The following PLEKHG4B variants were observed in gnomAD, a reference collection of about 807,000 sequenced individuals.
PLEKHG4B encodes the protein pleckstrin homology domain-containing family G member 4B.
PLEKHG4B carries 111 observed loss-of-function variants against 121.3 expected under a neutral mutation model. That is an observed-to-expected ratio of 0.92 (90% CI 0.78 to 1.07). The LOEUF is 1.07. Among genes scored for constraint, PLEKHG4B ranks in the 50% least tolerant of loss-of-function variants. The probability of loss-of-function intolerance (pLI) is 0.00; values close to 1 mark genes in which losing one functional copy is unlikely to be tolerated. For missense variants in PLEKHG4B, 1,831 were observed against 1,757.8 expected, an observed-to-expected ratio of 1.04 and a Z score of -0.74; for synonymous variants, 738 against 725.0, an observed-to-expected ratio of 1.02 and a Z score of -0.29.
intron 1 of PLEKHG4B, among the ~76,000 whole-genome samples, chr5:110,240 T>C (rs55720265): frequency 0.022 from 2,954 of 133,974 alleles, 65 homozygotes; most frequent in Middle Eastern, 0.1. Context: ...CACCGGCCAC[T>C]CTGCAACACA....
chr5:136,827 A>T (rs909087612), intron 2 of PLEKHG4B, among the ~76,000 whole-genome samples: 1 of 152,278 alleles, frequency 6.6e-6, no homozygotes, highest in South Asian at 2.1e-4. Flanking sequence ...ACACAGAATC[A>T]CCCTATGATC....
intron 3 of PLEKHG4B, among the ~76,000 whole-genome samples, chr5:141,947 C>T (rs572872805): frequency 1.3e-5 from 2 of 152,224 alleles, no homozygotes; most frequent in East Asian, 1.9e-4. Context: ...ACCAGGGGCT[C>T]GGAGGCAATG....
chr5:160,351 A>G (rs1735952827), intron 11 of PLEKHG4B, among the ~76,000 whole-genome samples: 1 of 152,144 alleles, frequency 6.6e-6, no homozygotes, highest in East Asian at 1.9e-4. Flanking sequence ...CTCTGGATAC[A>G]TTCCTAGGCT....
Position 101,511 on chromosome 5 carries a change from T to G in PLEKHG4B, c.45+9235T>G, listed in dbSNP as rs1283211315. Reference sequence around the variant, plus strand: ...TCCATATAAAGCCCTGGGAAAAGCCTGTAGGGGAGAGACTGTTGTGAGGTT... The same window carrying G: ...TCCATATAAAGCCCTGGGAAAAGCCGGTAGGGGAGAGACTGTTGTGAGGTT... On this transcript the variant is annotated intron_variant, in intron 1 of 19. Transcript: ENST00000637938. Among the ~76,000 whole-genome samples the G allele has an allele frequency of 1.6e-5, 2 of 128,406 alleles. 1 individual carries two copies. Among genetic ancestry groups the G allele is most frequent in the African/African-American group, 7.9e-5 (2 of 25,360 alleles). 84.2% of individuals were successfully genotyped at this position (128,406 alleles called of 152,430 possible). A position where few individuals can be genotyped will look rare whatever the true frequency, so the allele number is the denominator to read the frequency against.
chr5:143,636 G>A, intron 5 of PLEKHG4B, 133 bp downstream of exon 5: 1 of 1,134,054 alleles, frequency 8.8e-7, no homozygotes, highest in South Asian at 1.5e-5. Context: ...ATCTTTCAGA[G>A]CAGTCAGCAC....
intron 2 of PLEKHG4B, among the ~76,000 whole-genome samples, chr5:127,728 A>G (rs1254902298): frequency 6.6e-6 from 1 of 152,104 alleles, no homozygotes; most frequent in Admixed American, 6.5e-5. Context: ...CTGTTAATGA[A>G]AAGAGTCAAA....
chr5:111,879 T>C (rs1734168586), intron 1 of PLEKHG4B, among the ~76,000 whole-genome samples: 1 of 152,088 alleles, frequency 6.6e-6, no homozygotes, highest in Admixed American at 6.6e-5. Flanking sequence ...GTCCCCGGCC[T>C]GAGACAGGCC....
intron 2 of PLEKHG4B, among the ~76,000 whole-genome samples, chr5:127,340 T>TTTTTTATTATTATTA (rs146821461): frequency 1.6e-3 from 221 of 135,556 alleles, no homozygotes; most frequent in African/African-American, 5.4e-3. Flanking sequence ...ATTGTTGGTT[T>TTTTTTATTATTATTA]TTATTATTAT....
intron 3 of PLEKHG4B, among the ~76,000 whole-genome samples, chr5:142,708 A>C (rs1396611577): frequency 6.6e-6 from 1 of 151,952 alleles, no homozygotes; most frequent in Non-Finnish European, 1.5e-5. Context: ...CCACACATGC[A>C]CGCGCAGTCA....
At chr5:144,764 A>G in intron 5 of PLEKHG4B, 63 bp from the exon 6 acceptor site, 1 of 1,432,386 alleles carries the variant, frequency 7.0e-7, no homozygotes, top group East Asian at 2.3e-5. Context: ...AGAGGTGGAG[A>G]AACTCGTTCT....
intron 2 of PLEKHG4B, among the ~76,000 whole-genome samples, chr5:121,176 G>A (rs1422804166): frequency 6.6e-6 from 1 of 151,984 alleles, no homozygotes; most frequent in Non-Finnish European, 1.5e-5. Context: ...GAACCCGGGA[G>A]GTGGAGCTTG....
At chr5:169,156 G>A (rs1560949484) in intron 13 of PLEKHG4B, 184 bp from the exon 14 acceptor site, 5 of 727,278 alleles carry the variant, frequency 6.9e-6, no homozygotes, top group African/African-American at 3.6e-5. Flanking sequence ...TTACAGGCAC[G>A]AGCCCCCACG....
Position 164,068 on chromosome 5 carries a change from C to T in PLEKHG4B, c.3476+520C>T, listed in dbSNP as rs184719806. On this transcript the variant is annotated intron_variant, in intron 13 of 19. Transcript: ENST00000637938. ...CCTAGGCCGGATGCCGTCTGAACCT[C>T]CATCTTCCACCCATGTGGTACTGGT... Among the ~76,000 whole-genome samples, 5 of 152,372 alleles carry T rather than the reference C, an allele frequency of 3.3e-5. No homozygotes were observed. The East Asian group carries it at 7.7e-4, about 24-fold the overall frequency.
At chr5:126,865 C>T (rs747192277) in intron 2 of PLEKHG4B, among the ~76,000 whole-genome samples, 25 of 152,140 alleles carry the variant, frequency 1.6e-4, no homozygotes, top group Admixed American at 5.2e-4. Flanking sequence ...ATCTGGCCTG[C>T]GGCAGAGAGC....
chr5:171,906 G>A (rs1289059585), intron 16 of PLEKHG4B, among the ~76,000 whole-genome samples: 4 of 152,234 alleles, frequency 2.6e-5, no homozygotes, highest in South Asian at 2.1e-4. Context: ...GCCCGCGACC[G>A]GCTGCATGGG....
rs1736125115 is a variant in PLEKHG4B, at chr5:163,508, C to A, written c.3436C>A (p.Leu1146Ile). The A allele has an allele frequency of 6.2e-7, 1 of 1,610,866 alleles. No individual in the cohort carries two copies. Among genetic ancestry groups the A allele is most frequent in the South Asian group, 1.1e-5 (1 of 90,950 alleles). Reference sequence around the variant, plus strand: ...CCGGAGTCTGTCCTCCCCCTCGGGGCTCCACCCTGCTGAGGAGGATGGGAG... The same window carrying A: ...CCGGAGTCTGTCCTCCCCCTCGGGGATCCACCCTGCTGAGGAGGATGGGAG... ...QSRSLSSPSG[L>I]HPAEEDGRQQ... The change falls in exon 13 of 20, where the codon CTC becomes ATC. Residue 1146 changes from leucine to isoleucine, a missense_variant. Coordinates refer to ENST00000637938, the MANE Select transcript of PLEKHG4B (RefSeq NM_052909.5).
chr5:182,094 C>T lies in PLEKHG4B; in HGVS notation c.4655C>T (p.Thr1552Ile), dbSNP rs764775176. 3 of 1,614,052 alleles carry T rather than the reference C, an allele frequency of 1.9e-6. No individual in the cohort carries two copies. Among genetic ancestry groups the T allele is most frequent in the Non-Finnish European group, 2.5e-6 (3 of 1,180,056 alleles). The change falls in exon 20 of 20, where the codon ACC becomes ATC. Residue 1552 changes from threonine (T) to isoleucine (I), a missense_variant. Physicochemically the swap from Thr to Ile is moderately conservative, Grantham distance 89. Transcript: ENST00000637938. The part of the protein sequence containing the change: ...RPHSTISDSS[T>I]SSSSSQSSSI... ...CACTCCACCATCTCAGACAGCAGCACCTCCTCTTCTAGCAGCCAGTCCTCC... is the reference window on the plus strand; with the variant it reads ...CACTCCACCATCTCAGACAGCAGCATCTCCTCTTCTAGCAGCCAGTCCTCC...
rs940007473 is a variant in PLEKHG4B at position 186,080 on chromosome 5, A to G, written c.*3757A>G. On this transcript the variant is annotated 3_prime_UTR_variant, in exon 20 of 20. Coordinates refer to ENST00000637938, the MANE Select transcript of PLEKHG4B (RefSeq NM_052909.5). The stretch of plus-strand genomic sequence containing the variant: ...GGAGGCCATCTTGCTCCTGCTTTTT[A>G]TTTAACCCATGGGGCTCTTTGGCCT... 6.6e-6 allele frequency: 1 copy of G among 152,100 alleles called. No individual in the cohort carries two copies. The highest frequency in any genetic ancestry group is 2.4e-5 in the African/African-American group (1 of 41,382). The allele number at this position is 152,100 out of a possible 1,614,324, so 9.4% of individuals were successfully genotyped here.
chr5:163,185 CCCT>C lies in PLEKHG4B; in HGVS notation c.3118_3120del (p.Leu1040del), dbSNP rs753908840. 11 of 1,578,814 alleles carry C rather than the reference CCCT, an allele frequency of 7.0e-6. No homozygotes were observed. Among genetic ancestry groups the C allele is most frequent in the African/African-American group, 1.3e-5 (1 of 74,214 alleles). Reference sequence around the variant, plus strand: ...CTGTGTGCTCTGTGGGACCCACTGTCCCTCCTCAGGGGCCTTCCAGGGGCAGGG... The same window carrying C: ...CTGTGTGCTCTGTGGGACCCACTGTCCCTCAGGGGCCTTCCAGGGGCAGGG... On this transcript the variant is annotated inframe_deletion, in exon 13 of 20. Transcript: ENST00000637938.
Sources: allele counts gnomAD v4.1 joint callset (sites outside exome capture counted in the v4.1 genomes callset), GRCh38; gene constraint gnomAD v4.1.1; transcripts MANE v1.5; gene names NCBI Gene and HGNC (gene_info 2026-07-23, HGNC 2026-07-21).